TMTC2: variants seen among roughly 807,000 people sequenced by gnomAD.
TMTC2 encodes the protein transmembrane O-mannosyltransferase targeting cadherins 2, also known as protein O-mannosyl-transferase TMTC2.
TMTC2 carries 43 observed loss-of-function variants against 82.4 expected under a neutral mutation model. The ratio of observed to expected loss-of-function variants is 0.52; its 90% CI spans 0.41 to 0.67. The LOEUF is 0.67. Among genes scored for constraint, TMTC2 ranks in the 30% least tolerant of loss-of-function variants. TMTC2 has a pLI of 0.00. For missense variants in TMTC2, 919 were observed against 1,012.4 expected, an observed-to-expected ratio of 0.91 and a Z score of 1.25; for synonymous variants, 408 against 381.9, an observed-to-expected ratio of 1.07 and a Z score of -0.80.
intron 4 of TMTC2, among the ~76,000 whole-genome samples, chr12:82,947,681 G>A (rs1877098404): frequency 6.6e-6 from 1 of 152,096 alleles, no homozygotes; most frequent in African/African-American, 2.4e-5. Flanking sequence ...GGAAAAATAA[G>A]CAAGTTGGCC....
chr12:82,792,610 A>G (rs2137024512), intron 1 of TMTC2, among the ~76,000 whole-genome samples: 1 of 152,044 alleles, frequency 6.6e-6, no homozygotes, highest in African/African-American at 2.4e-5. Context: ...GGGACAACAG[A>G]CGTGCATCAC....
At chr12:82,853,421 C>T (rs192193820) in intron 1 of TMTC2, among the ~76,000 whole-genome samples, 337 of 152,052 alleles carry the variant, frequency 2.2e-3, no homozygotes, top group African/African-American at 7.5e-3. Flanking sequence ...TTTTTTCTCA[C>T]GGTAAAATTA....
At chr12:83,101,122 A>G (rs969536582) in intron 11 of TMTC2, among the ~76,000 whole-genome samples, 1 of 152,224 alleles carries the variant, frequency 6.6e-6, no homozygotes, top group Non-Finnish European at 1.5e-5. Flanking sequence ...ATTTAGCATG[A>G]TTGCTTGTGA....
chr12:82,868,002 T>A (rs1871955844), intron 2 of TMTC2, among the ~76,000 whole-genome samples: 1 of 152,372 alleles, frequency 6.6e-6, no homozygotes, highest in Admixed American at 6.5e-5. Context: ...GGTCATTTTC[T>A]AGCTGTGTGA....
chr12:82,864,071 G>A (rs193264575), intron 2 of TMTC2, among the ~76,000 whole-genome samples: 35 of 152,158 alleles, frequency 2.3e-4, no homozygotes, highest in Admixed American at 2.2e-3. Flanking sequence ...AGAGTAAAGG[G>A]TACAGCATGA....
At chr12:82,708,745 T>C (rs1873489900) in intron 1 of TMTC2, among the ~76,000 whole-genome samples, 3 of 152,224 alleles carry the variant, frequency 2.0e-5, no homozygotes, top group African/African-American at 7.2e-5. Context: ...TGCAAGCCTG[T>C]GTTTCCAAGC....
intron 1 of TMTC2, among the ~76,000 whole-genome samples, chr12:82,824,064 T>G (rs1237200930): frequency 6.6e-6 from 1 of 152,140 alleles, no homozygotes; most frequent in East Asian, 1.9e-4. Flanking sequence ...CAGCTAATTT[T>G]TGTATTTTTA....
intron 1 of TMTC2, among the ~76,000 whole-genome samples, chr12:82,718,393 A>C (rs1873997415): frequency 6.6e-6 from 1 of 152,224 alleles, no homozygotes; most frequent in Non-Finnish European, 1.5e-5. Context: ...ATACCTGTAG[A>C]TCCTCATATC....
intron 11 of TMTC2, among the ~76,000 whole-genome samples, chr12:83,123,108 AT>A (rs1198440363): frequency 6.6e-6 from 1 of 152,238 alleles, no homozygotes; most frequent in African/African-American, 2.4e-5. Context: ...ATAGAAATGT[AT>A]AACACCCAAC....
chr12:82,975,045 G>A (rs957470048), intron 7 of TMTC2, among the ~76,000 whole-genome samples: 1 of 152,096 alleles, frequency 6.6e-6, no homozygotes, highest in Admixed American at 6.6e-5. Flanking sequence ...TTGTTTCAGG[G>A]AAGACAGAGA....
At chr12:83,101,063 A>G (rs1884200739) in intron 11 of TMTC2, among the ~76,000 whole-genome samples, 1 of 152,254 alleles carries the variant, frequency 6.6e-6, no homozygotes, top group Non-Finnish European at 1.5e-5. Flanking sequence ...ATAGAACTTG[A>G]TAAATGAGAA....
chr12:82,880,370 G>A (rs1463475614), intron 2 of TMTC2, among the ~76,000 whole-genome samples: 1 of 152,096 alleles, frequency 6.6e-6, no homozygotes, highest in African/African-American at 2.4e-5. Flanking sequence ...CTTTTATTAA[G>A]GTTTGACTGG....
At chr12:82,805,738 C>G (rs928382502) in intron 1 of TMTC2, among the ~76,000 whole-genome samples, 24 of 151,940 alleles carry the variant, frequency 1.6e-4, no homozygotes, top group Admixed American at 1.6e-3. Flanking sequence ...ATCTCCTGAC[C>G]TTGTGATCTG....
At chr12:83,074,464 G>A (rs1262782293) in intron 11 of TMTC2, among the ~76,000 whole-genome samples, 1 of 152,058 alleles carries the variant, frequency 6.6e-6, no homozygotes, top group African/African-American at 2.4e-5. Context: ...CATCAAGTGG[G>A]GGCAGGGCTA....
At chr12:82,775,458 C>T (rs1430291843) in intron 1 of TMTC2, among the ~76,000 whole-genome samples, 3 of 147,182 alleles carry the variant, frequency 2.0e-5, no homozygotes, top group Non-Finnish European at 4.5e-5. Flanking sequence ...TCCAGGGGGG[C>T]GGGCGGGGAG....
chr12:82,762,453 A>T lies in TMTC2; in HGVS notation c.83+74784A>T, dbSNP rs531452590. Among the ~76,000 whole-genome samples, 4 of 152,266 alleles carry T rather than the reference A, an allele frequency of 2.6e-5. No homozygotes were observed. In the East Asian group the frequency reaches 7.7e-4, roughly 29 times the overall value. Reference sequence around the variant, plus strand: ...TACATAATGCCAGCCTTGCCACCAAACAATTCTCTTCCTGAGAGGAATGCC... The same window carrying T: ...TACATAATGCCAGCCTTGCCACCAATCAATTCTCTTCCTGAGAGGAATGCC... On this transcript the variant is annotated intron_variant, in intron 1 of 11. Coordinates refer to ENST00000321196, the MANE Select transcript of TMTC2 (RefSeq NM_152588.3).
Position 82,896,142 on chromosome 12 carries a change from G to A in TMTC2, c.979G>A (p.Gly327Ser), listed in dbSNP as rs1048864117. 1.9e-6 allele frequency: 3 copies of A among 1,613,828 alleles called. No individual in the cohort carries two copies. Among genetic ancestry groups the A allele is most frequent in the African/African-American group, 1.3e-5 (1 of 74,854 alleles). ...TGGACTCCTTCTCCTTGCCTACTAT[G>A]GTTTGAAGAGCCCGAGCGTAGACAG... ...YTGLLLLAYY[G>S]LKSPSVDREC... is the part of the protein sequence containing the mutation. Residue 327 changes from glycine (G) to serine (S), a missense_variant, in exon 3 of 12, where the codon GGT becomes AGT. By Grantham distance (56) the Gly-to-Ser change is moderately conservative. Coordinates refer to ENST00000321196, the MANE Select transcript of TMTC2 (RefSeq NM_152588.3).
intron 8 of TMTC2, among the ~76,000 whole-genome samples, chr12:83,000,883 A>T (rs1007771437): frequency 1.3e-5 from 2 of 152,186 alleles, no homozygotes. Flanking sequence ...GTGCACCTGC[A>T]GGCTCAACAC....
intron 2 of TMTC2, among the ~76,000 whole-genome samples, chr12:82,893,248 G>A (rs963993120): frequency 6.6e-6 from 1 of 151,880 alleles, no homozygotes. Flanking sequence ...GCACGTGCCT[G>A]TAGTCCCAGC....
Sources: gnomAD v4.1 joint callset for allele counts (sites outside exome capture counted in the v4.1 genomes callset) on GRCh38, gnomAD v4.1.1 for gene constraint, MANE v1.5 for transcripts, NCBI Gene and HGNC (gene_info 2026-07-23, HGNC 2026-07-21) for gene names.